The following SLC25A48 variants were observed in gnomAD, a reference collection of about 807,000 sequenced individuals.
The protein encoded by SLC25A48 is solute carrier family 25 member 48.
SLC25A48 carries 29 observed loss-of-function variants against 32.2 expected under a neutral mutation model. The observed-to-expected ratio is 0.90, with a 90% CI of 0.67 to 1.23. The LOEUF (loss-of-function observed/expected upper bound fraction) is 1.23, where lower values mean the gene tolerates loss of function less well. Among genes scored for constraint, SLC25A48 ranks in the 50% most tolerant of loss-of-function variants. The probability of loss-of-function intolerance (pLI) is 0.00; values close to 1 mark genes in which losing one functional copy is unlikely to be tolerated. For synonymous variants in SLC25A48, 164 were observed against 172.3 expected (o/e 0.95, Z 0.38); for missense variants, 399 against 422.7 (o/e 0.94, Z 0.49).
At chr5:135,880,125 G>A in intron 7 of SLC25A48, 28 bp downstream of exon 7, 2 of 1,513,384 alleles carry the variant, frequency 1.3e-6, no homozygotes, top group East Asian at 2.5e-5. Flanking sequence ...CTGGCCAATT[G>A]TGCCTCCCAG....
intron 1 of SLC25A48, among the ~76,000 whole-genome samples, chr5:135,603,594 G>A (rs977362240): frequency 6.6e-5 from 10 of 152,194 alleles, no homozygotes; most frequent in African/African-American, 2.2e-4. Flanking sequence ...TCAGGGCCCT[G>A]GGGAGCCTGA....
At chr5:135,694,042 G>A (rs12518712) in intron 3 of SLC25A48, among the ~76,000 whole-genome samples, 6,062 of 152,282 alleles carry the variant, frequency 0.04, 157 homozygotes, top group African/African-American at 0.069. Context: ...TGAGCTCTAG[G>A]CGCTGAGCCC....
chr5:135,731,713 A>C (rs1235623384), intron 3 of SLC25A48, among the ~76,000 whole-genome samples: 1 of 152,230 alleles, frequency 6.6e-6, no homozygotes, highest in Admixed American at 6.5e-5. Flanking sequence ...CAGATATTAA[A>C]GGACTAAGAA....
intron 1 of SLC25A48, among the ~76,000 whole-genome samples, chr5:135,589,983 AC>A (rs1751472860): frequency 6.6e-6 from 1 of 152,234 alleles, no homozygotes; most frequent in African/African-American, 2.4e-5. Context: ...GGCATAAGCC[AC>A]AGTGCCTGAA....
chr5:135,658,917 G>C (rs941858335), intron 3 of SLC25A48, among the ~76,000 whole-genome samples: 1 of 152,210 alleles, frequency 6.6e-6, no homozygotes. Flanking sequence ...GAGCAGCGGG[G>C]CCCTGGGTCT....
chr5:135,719,014 A>G (rs1178659972), intron 3 of SLC25A48, among the ~76,000 whole-genome samples: 1 of 152,234 alleles, frequency 6.6e-6, no homozygotes, highest in Non-Finnish European at 1.5e-5. Flanking sequence ...GGATTGCATG[A>G]ACAAGATTAT....
At chr5:135,586,398 C>T (rs1221942313) in intron 1 of SLC25A48, among the ~76,000 whole-genome samples, 3 of 152,196 alleles carry the variant, frequency 2.0e-5, no homozygotes, top group South Asian at 2.1e-4. Flanking sequence ...TACTTATACT[C>T]AAAATTATTC....
At chr5:135,699,520 G>A (rs977956227) in intron 3 of SLC25A48, among the ~76,000 whole-genome samples, 3 of 152,174 alleles carry the variant, frequency 2.0e-5, no homozygotes, top group Admixed American at 6.5e-5. Context: ...AGTTGCCTCT[G>A]GGAGCAAGGA....
chr5:135,796,398 G>A (rs1757180664), intron 3 of SLC25A48, among the ~76,000 whole-genome samples: 1 of 151,390 alleles, frequency 6.6e-6, no homozygotes, highest in African/African-American at 2.4e-5. Context: ...ATCGCAGGAG[G>A]CATACAGCCC....
chr5:135,773,653 C>A (rs1469574204), intron 3 of SLC25A48, among the ~76,000 whole-genome samples: 1 of 151,552 alleles, frequency 6.6e-6, no homozygotes, highest in Non-Finnish European at 1.5e-5. Flanking sequence ...AATGTGTACA[C>A]CCCCTTTGAG....
intron 3 of SLC25A48, chr5:135,652,278 A>G (rs1456559926): frequency 1.2e-5 from 5 of 429,132 alleles, no homozygotes; most frequent in Admixed American, 5.0e-5. Context: ...GATTGATTAC[A>G]ATGGACCTTT....
intron 3 of SLC25A48, among the ~76,000 whole-genome samples, chr5:135,805,872 T>A (rs1414012545): frequency 6.6e-6 from 1 of 151,698 alleles, no homozygotes; most frequent in Non-Finnish European, 1.5e-5. Flanking sequence ...ACCCTGTGTG[T>A]ATACCCTGTG....
At chr5:135,743,467 C>T (rs1755559411) in intron 3 of SLC25A48, among the ~76,000 whole-genome samples, 1 of 151,982 alleles carries the variant, frequency 6.6e-6, no homozygotes, top group Admixed American at 6.6e-5. Context: ...CAGAGGACAG[C>T]CCCCCACAAC....
At chr5:135,614,730 A>G (rs1338387018) in intron 1 of SLC25A48, among the ~76,000 whole-genome samples, 2 of 152,196 alleles carry the variant, frequency 1.3e-5, no homozygotes, top group African/African-American at 4.8e-5. Flanking sequence ...CCCTGGGATA[A>G]ATCCCACTTG....
At chr5:135,886,751 T>G (rs1361024178) in intron 7 of SLC25A48, among the ~76,000 whole-genome samples, 3 of 145,558 alleles carry the variant, frequency 2.1e-5, no homozygotes, top group Non-Finnish European at 4.5e-5. Context: ...GTTACAGGCA[T>G]TGGGTGACAA....
chr5:135,626,687 A>G (rs1361205949), intron 1 of SLC25A48, among the ~76,000 whole-genome samples: 1 of 152,172 alleles, frequency 6.6e-6, no homozygotes, highest in Non-Finnish European at 1.5e-5. Context: ...TAATGCCCCA[A>G]TCTATGCATC....
rs1172378114 is a variant in SLC25A48 at position 135,693,597 on chromosome 5, A to G, written c.-521+58641A>G. On this transcript the variant is annotated intron_variant, in intron 3 of 10. Transcript: ENST00000646290. Reference sequence around the variant, plus strand: ...GCAGATATCACTAATCCATTACTTCACTCTTTCCTGTTGAGGCAAGACAGG... The same window carrying G: ...GCAGATATCACTAATCCATTACTTCGCTCTTTCCTGTTGAGGCAAGACAGG... Among the ~76,000 whole-genome samples, 6 of 152,008 alleles carry G rather than the reference A, an allele frequency of 3.9e-5. No individual in the cohort carries two copies. The East Asian group carries it at 1.2e-3, about 29-fold the overall frequency.
At chr5:135,804,952 A>G (rs1757428094) in intron 3 of SLC25A48, among the ~76,000 whole-genome samples, 1 of 151,530 alleles carries the variant, frequency 6.6e-6, no homozygotes, top group African/African-American at 2.4e-5. Context: ...CAGTAAGTGT[A>G]CACCCTGGGA....
intron 1 of SLC25A48, chr5:135,835,212 C>A: frequency 3.5e-6 from 2 of 578,288 alleles, no homozygotes; most frequent in Non-Finnish European, 6.5e-6. Context: ...GCGCACACAC[C>A]CTTCAGTGAC....
Sources: gnomAD v4.1 joint callset for allele counts (sites outside exome capture counted in the v4.1 genomes callset) on GRCh38, gnomAD v4.1.1 for gene constraint, MANE v1.5 for transcripts, NCBI Gene and HGNC (gene_info 2026-07-23, HGNC 2026-07-21) for gene names.